BORCS5: variants seen among roughly 807,000 people sequenced by gnomAD.
The protein encoded by BORCS5 is BLOC-1 related complex subunit 5, also known as BLOC-1-related complex subunit 5.
BORCS5 carries 17 observed loss-of-function variants against 22.1 expected under a neutral mutation model. That is an observed-to-expected ratio of 0.77 (90% CI 0.53 to 1.15). BORCS5 has a LOEUF of 1.15. Ranked by LOEUF, BORCS5 falls within the 50% of genes most tolerant of loss-of-function variation. The pLI is 0.00. For missense variants in BORCS5, 247 were observed against 253.2 expected (o/e 0.98, Z 0.17); for synonymous variants, 117 against 99.8 (o/e 1.17, Z -1.03).
intron 2 of BORCS5, among the ~76,000 whole-genome samples, chr12:12,381,821 A>C (rs575923150): frequency 6.6e-6 from 1 of 151,388 alleles, no homozygotes; most frequent in Non-Finnish European, 1.5e-5. Context: ...TGAGTTTTGT[A>C]TATTCTTACT....
intron 2 of BORCS5, among the ~76,000 whole-genome samples, chr12:12,383,060 T>C (rs370994070): frequency 6.1e-4 from 92 of 151,554 alleles, no homozygotes; most frequent in African/African-American, 2.0e-3. Context: ...ATTTTGTTTC[T>C]CTGTTCCTCC....
chr12:12,458,710 C>A lies in BORCS5; in HGVS notation c.361-6836C>A, dbSNP rs183799862. ...TCTCCTGGCTGGCCACGGTGGCTCA[C>A]GCTTGTAATCCCAGCACTTTGGGAG... On this transcript the variant is annotated intron_variant, in intron 3 of 3. Transcript: ENST00000314565. Among the ~76,000 whole-genome samples, 453 of 151,460 alleles carry A rather than the reference C, an allele frequency of 3.0e-3. 1 individual carries two copies. Among genetic ancestry groups the A allele is most frequent in the African/African-American group, 9.5e-3 (392 of 41,342 alleles).
chr12:12,451,985 T>C lies in BORCS5; in HGVS notation c.361-13561T>C, dbSNP rs577742385. 3 of 259,358 alleles carry C rather than the reference T, an allele frequency of 1.2e-5. No homozygotes were observed. The East Asian group carries it at 3.4e-4, about 30-fold the overall frequency. The allele number at this position is 259,358 out of a possible 1,614,324, so 16.1% of individuals were successfully genotyped here. A position where few individuals can be genotyped will look rare whatever the true frequency, so the allele number is the denominator to read the frequency against. On this transcript the variant is annotated intron_variant, in intron 3 of 3. Coordinates refer to ENST00000314565, the MANE Select transcript of BORCS5 (RefSeq NM_058169.6). ...AACTTTCATATTGATTTTACACAGC[T>C]TTTATACAGTACCTTGACTTAAATC...
At chr12:12,412,135 G>A (rs1403681813) in intron 2 of BORCS5, among the ~76,000 whole-genome samples, 1 of 152,038 alleles carries the variant, frequency 6.6e-6, no homozygotes, top group Non-Finnish European at 1.5e-5. Context: ...ATTTTTGGAT[G>A]GATCTTTCTA....
chr12:12,449,699 CAG>C (rs1346948087), intron 3 of BORCS5, among the ~76,000 whole-genome samples: 4 of 152,216 alleles, frequency 2.6e-5, no homozygotes, highest in Non-Finnish European at 5.9e-5. Flanking sequence ...ACAAAGGAAA[CAG>C]GGTGACTTCA....
At chr12:12,360,567 A>ATTTT (rs35965943) in intron 1 of BORCS5, among the ~76,000 whole-genome samples, 3 of 89,230 alleles carry the variant, frequency 3.4e-5, no homozygotes, top group African/African-American at 1.3e-4. Context: ...ATTAAAAGAA[A>ATTTT]TTTTTTTTTT....
chr12:12,415,313 G>A (rs1162516434), intron 2 of BORCS5, among the ~76,000 whole-genome samples: 11 of 150,540 alleles, frequency 7.3e-5, no homozygotes, highest in South Asian at 4.2e-4. Flanking sequence ...TCGGGAGGCC[G>A]AGGCTGGCGG....
chr12:12,386,636 T>C (rs923349342), intron 2 of BORCS5, among the ~76,000 whole-genome samples: 3 of 73,708 alleles, frequency 4.1e-5, no homozygotes, highest in African/African-American at 1.9e-4. Flanking sequence ...CACGTGCTAG[T>C]TTTTTGTATT....
chr12:12,436,429 T>C (rs1045751357), intron 3 of BORCS5, among the ~76,000 whole-genome samples: 1 of 152,370 alleles, frequency 6.6e-6, no homozygotes, highest in East Asian at 1.9e-4. Flanking sequence ...AAATGTATCA[T>C]TGACCAGCTG....
intron 2 of BORCS5, among the ~76,000 whole-genome samples, chr12:12,432,991 G>T (rs1053700537): frequency 1.3e-5 from 2 of 152,004 alleles, no homozygotes; most frequent in Admixed American, 6.6e-5. Flanking sequence ...ACATGAACTT[G>T]TGTATAGGAA....
At chr12:12,452,744 A>G (rs1330466139) in intron 3 of BORCS5, among the ~76,000 whole-genome samples, 1 of 152,248 alleles carries the variant, frequency 6.6e-6, no homozygotes, top group Non-Finnish European at 1.5e-5. Flanking sequence ...CCATTGTGCT[A>G]GAGAGAGGCG....
chr12:12,442,025 A>G (rs7311210), intron 3 of BORCS5, among the ~76,000 whole-genome samples: 3,119 of 152,286 alleles, frequency 0.02, 39 homozygotes, highest in Non-Finnish European at 0.034. Context: ...GGTTACATCT[A>G]TCATTGAAAT....
At chr12:12,457,650 T>C (rs1445441969) in intron 3 of BORCS5, among the ~76,000 whole-genome samples, 1 of 152,104 alleles carries the variant, frequency 6.6e-6, no homozygotes, top group Admixed American at 6.5e-5. Flanking sequence ...ATAGAAGCTC[T>C]CTCCCCTCCC....
rs532781272 is a variant in BORCS5 at position 12,459,498 on chromosome 12, C to T, written c.361-6048C>T. The stretch of plus-strand genomic sequence containing the variant: ...GCTAATGTTTTGTATTTAGTAGAGA[C>T]GGGATTTCACCATGTTGGTCAGGCT... On this transcript the variant is annotated intron_variant, in intron 3 of 3. Transcript: ENST00000314565. 7.9e-5 allele frequency among the ~76,000 whole-genome samples: 12 copies of T among 152,120 alleles called. No homozygotes were observed. In the East Asian group the frequency reaches 2.3e-3, roughly 30 times the overall value.
chr12:12,369,664 T>A (rs1170349217), intron 2 of BORCS5, among the ~76,000 whole-genome samples: 1 of 150,916 alleles, frequency 6.6e-6, no homozygotes, highest in Non-Finnish European at 1.5e-5. Context: ...TCACTTCATG[T>A]AAAATGTAGG....
chr12:12,363,316 C>T (rs1206715020), intron 2 of BORCS5, among the ~76,000 whole-genome samples: 1 of 148,944 alleles, frequency 6.7e-6, no homozygotes, highest in Non-Finnish European at 1.5e-5. Flanking sequence ...AAAAAAAAAG[C>T]CGGCCAGGCG....
At chr12:12,439,598 G>A (rs1450159013) in intron 3 of BORCS5, among the ~76,000 whole-genome samples, 1 of 152,194 alleles carries the variant, frequency 6.6e-6, no homozygotes, top group African/African-American at 2.4e-5. Flanking sequence ...TCCAGTCTGG[G>A]CTACAGAGCA....
At chr12:12,461,411 GTCC>G (rs1440499288) in intron 3 of BORCS5, among the ~76,000 whole-genome samples, 1 of 151,936 alleles carries the variant, frequency 6.6e-6, no homozygotes, top group Non-Finnish European at 1.5e-5. Flanking sequence ...GGCTCAAGTG[GTCC>G]TCCTACCTCA....
chr12:12,372,078 C>T (rs1034151122), intron 2 of BORCS5, among the ~76,000 whole-genome samples: 28 of 152,254 alleles, frequency 1.8e-4, no homozygotes, highest in African/African-American at 6.3e-4. Flanking sequence ...TCGCCCTTGT[C>T]GCCCAGGCTG....
Sources: gnomAD v4.1 joint callset for allele counts (sites outside exome capture counted in the v4.1 genomes callset) on GRCh38, gnomAD v4.1.1 for gene constraint, MANE v1.5 for transcripts, NCBI Gene and HGNC (gene_info 2026-07-23, HGNC 2026-07-21) for gene names.